Variants in AP1G2 observed in about 807,000 individuals in gnomAD.
The protein encoded by AP1G2 is AP-1 complex subunit gamma-like 2.
AP1G2 carries 85 observed loss-of-function variants against 95.8 expected under a neutral mutation model. That is an observed-to-expected ratio of 0.89 (90% CI 0.74 to 1.06). The LOEUF is 1.06. Among genes scored for constraint, AP1G2 ranks in the 50% least tolerant of loss-of-function variants. AP1G2 has a pLI of 0.00. For synonymous variants in AP1G2, 378 were observed against 400.0 expected, an observed-to-expected ratio of 0.94 and a Z score of 0.66; for missense variants, 967 against 1,005.8, an observed-to-expected ratio of 0.96 and a Z score of 0.52.
rs1566624174 is a variant in AP1G2, at chr14:23,561,592, G to C, written c.1777C>G (p.Pro593Ala). Residue 593 changes from proline (P) to alanine (A), a missense_variant, in exon 18 of 22, where the codon CCT becomes GCT. Coordinates refer to ENST00000397120, the MANE Select transcript of AP1G2 (RefSeq NM_003917.5). ...TCCTTTGCTTCCTCATCAGCCTGAG[G>C]GCCATCTCGCTCCACAAGAGGCATT... ...EKMPLVERDGPQADEEAKESK... is the reference protein window; with the variant it reads ...EKMPLVERDGAQADEEAKESK... 1.2e-6 allele frequency: 2 copies of C among 1,614,096 alleles called. No individual in the cohort carries two copies. The highest frequency in any genetic ancestry group is 8.5e-7 in the Non-Finnish European group (1 of 1,180,018).
At position 23,562,534 on chromosome 14, in the gene AP1G2, T is replaced by C. The variant is rs1885443875; in HGVS notation, c.1470A>G (p.Ala490=). 2 of 1,614,098 alleles carry C rather than the reference T, an allele frequency of 1.2e-6. No homozygotes were observed. Among genetic ancestry groups the C allele is most frequent in the Admixed American group, 1.7e-5 (1 of 60,006 alleles). ...GGGGCTCAATCTCCTCGCAGTTCCC[T>C]GCCAGCAGGAGGTCCCCATACTCCC... The part of the protein sequence containing the change: ...CIGEYGDLLL[A]GNCEEIEPLQ... Residue 490 remains alanine (A), a synonymous_variant, in exon 15 of 22, where the codon GCA becomes GCG. Transcript: ENST00000397120.
In AP1G2 at chr14:23,563,465, A is replaced by T; in HGVS notation, c.1325T>A (p.Leu442Gln). The change falls in exon 14 of 22, where the codon CTG becomes CAG. Residue 442 changes from leucine (L) to glutamine (Q), a missense_variant. Coordinates refer to ENST00000397120, the MANE Select transcript of AP1G2 (RefSeq NM_003917.5). The stretch of plus-strand genomic sequence containing the variant: ...CTGGGCCCCCCCAATCAGCTGGGTC[A>T]GGTTGGCCACTGCATCATCCCGCAC... ...THVRDDAVAN[L>Q]TQLIGGAQEL... The T allele has an allele frequency of 6.2e-7, 1 of 1,614,034 alleles. No homozygotes were observed. Among genetic ancestry groups the T allele is most frequent in the Non-Finnish European group, 8.5e-7 (1 of 1,179,970 alleles).
chr14:23,564,087 A>G lies in AP1G2; in HGVS notation c.1050T>C (p.Thr350=). The G allele has an allele frequency of 6.2e-7, 1 of 1,614,146 alleles. No individual in the cohort carries two copies. Among genetic ancestry groups the G allele is most frequent in the East Asian group, 2.2e-5 (1 of 44,880 alleles). ...CAGTTTCCCGTAGACATTCCACCAC[A>G]GTGGGCCGATGCCGCTGCACAGCAC... ...DHSAVQRHRP[T]VVECLRETDA... Residue 350 remains threonine, a synonymous_variant, in exon 11 of 22, where the codon ACT becomes ACC. Transcript: ENST00000397120.
In AP1G2 at chr14:23,562,517, A is replaced by G. The variant is rs909611866; in HGVS notation, c.1487T>C (p.Ile496Thr). Reference sequence around the variant, plus strand: ...ATGAGGTCTCACCTGAAGGGGCTCAATCTCCTCGCAGTTCCCTGCCAGCAG... The same window carrying G: ...ATGAGGTCTCACCTGAAGGGGCTCAGTCTCCTCGCAGTTCCCTGCCAGCAG... The part of the protein sequence containing the change: ...DLLLAGNCEE[I>T]EPLQVDEEEV... The change falls in exon 15 of 22, where the codon ATT (isoleucine) becomes ACT (threonine). Residue 496 changes from isoleucine (I) to threonine (T), a missense_variant. By Grantham distance (89) the Ile-to-Thr change is moderately conservative. Coordinates refer to ENST00000397120, the MANE Select transcript of AP1G2 (RefSeq NM_003917.5). 11 of 1,614,072 alleles carry G rather than the reference A, an allele frequency of 6.8e-6. No homozygotes were observed. The Admixed American group carries it at 1.3e-4, about 20-fold the overall frequency.
chr14:23,566,871 G>A (rs1888294802), intron 2 of AP1G2, 185 bp from the exon 3 acceptor site: 1 of 968,854 alleles, frequency 1.0e-6, no homozygotes, highest in Non-Finnish European at 1.5e-6. Context: ...TAGGAGTTGA[G>A]GAGGATGGGA....
Position 23,559,609 on chromosome 14 carries a change from G to T in AP1G2, c.*140C>A. On this transcript the variant is annotated 3_prime_UTR_variant, in exon 22 of 22. Transcript: ENST00000397120. Reference sequence around the variant, plus strand: ...CAGGCTTTATTGGGCTTTATTTGTGGGAGAAGGGGGCTGGTCCCCAGTTTT... The same window carrying T: ...CAGGCTTTATTGGGCTTTATTTGTGTGAGAAGGGGGCTGGTCCCCAGTTTT... 1 of 690,558 alleles carries T rather than the reference G, an allele frequency of 1.4e-6. No homozygotes were observed. Among genetic ancestry groups the T allele is most frequent in the Non-Finnish European group, 2.5e-6 (1 of 395,118 alleles). The allele number at this position is 690,558 out of a possible 1,614,324, so 42.8% of individuals were successfully genotyped here.
At chr14:23,566,932 G>T in intron 2 of AP1G2, 179 bp downstream of exon 2, 2 of 887,472 alleles carry the variant, frequency 2.3e-6, no homozygotes, top group Non-Finnish European at 1.7e-6. Context: ...GAGAATGAAG[G>T]GTTCAGGCCA....
At position 23,562,985 on chromosome 14, in the gene AP1G2, A is replaced by G. The variant is rs922221030; in HGVS notation, c.1411-392T>C. On this transcript the variant is annotated intron_variant, in intron 14 of 21. Coordinates refer to ENST00000397120, the MANE Select transcript of AP1G2 (RefSeq NM_003917.5). ...TGTGAGAGGGTCCCTCCCTTGTGGA[A>G]GGGGTGGATGATGCTTTCTGCCCAC... 44 of 885,940 alleles carry G rather than the reference A, an allele frequency of 5.0e-5. No individual in the cohort carries two copies. In the African/African-American group the frequency reaches 7.4e-4, roughly 15 times the overall value. The allele number at this position is 885,940 out of a possible 1,614,324, so 54.9% of individuals were successfully genotyped here.
Position 23,564,333 on chromosome 14 carries a change from C to G in AP1G2, c.977G>C (p.Arg326Thr). ...RFLLNSDRNI[R>T]YVALTSLLRL... ...CTAGGTAGACAGTTGGGACTATTAC[C>G]TAATGTTCCTGTCACTGTTGAGTAG... Residue 326 changes from arginine to threonine, a missense_variant and splice_region_variant, in exon 10 of 22, where the codon AGG becomes ACG. Physicochemically the swap from Arg to Thr is moderately conservative, Grantham distance 71 (BLOSUM62 -1). Transcript: ENST00000397120. 1 of 1,614,190 alleles carries G rather than the reference C, an allele frequency of 6.2e-7. No homozygotes were observed. The highest frequency in any genetic ancestry group is 8.5e-7 in the Non-Finnish European group (1 of 1,180,024).
intron 16 of AP1G2, 30 bp downstream of exon 16, chr14:23,562,258 A>G: frequency 6.2e-7 from 1 of 1,612,476 alleles, no homozygotes. Context: ...GTGACAGGCC[A>G]TCTCTCAAGG....
At position 23,565,861 on chromosome 14, in the gene AP1G2, C is replaced by T. The variant is rs148891229; in HGVS notation, c.600G>A (p.Thr200=). The T allele has an allele frequency of 3.6e-5, 56 of 1,577,308 alleles. No homozygotes were observed. In the African/African-American group the frequency reaches 5.6e-4, roughly 16 times the overall value. The change falls in exon 6 of 22, where the codon ACG becomes ACA. Residue 200 remains threonine (T), a synonymous_variant. Transcript: ENST00000397120. ...CTGCAGGGCTTCGTTCGCAGAGCTC[C>T]GTGATCAGCGTGATGGTGCCCAGCA... ...GILLGTITLI[T]ELCERSPAAL...
Position 23,561,979 on chromosome 14 carries a change from C to T in AP1G2, c.1716G>A (p.Arg572=), listed in dbSNP as rs753122091. 1 of 1,611,684 alleles carries T rather than the reference C, an allele frequency of 6.2e-7. No individual in the cohort carries two copies. The highest frequency in any genetic ancestry group is 2.2e-5 in the East Asian group (1 of 44,764). ...GGACACACCTCATGTGGTCGTATTT[C>T]CGGAAGAGTGTGTCATACTCCACAG... is the stretch of plus-strand genomic sequence containing the variant. ...QRAVEYDTLF[R]KYDHMRAAIL... is the part of the protein sequence containing the mutation. Residue 572 remains arginine (R), a synonymous_variant, in exon 17 of 22, where the codon CGG becomes CGA. Transcript: ENST00000397120.
intron 8 of AP1G2, 124 bp from the exon 9 acceptor site, chr14:23,564,784 C>A (rs754885920): frequency 1.2e-6 from 1 of 864,560 alleles, no homozygotes; most frequent in South Asian, 1.6e-5. Context: ...CTCTGATGAT[C>A]CTCCTGCCTC....
chr14:23,566,283 T>G lies in AP1G2; in HGVS notation c.466A>C (p.Lys156Gln). ...CAGGAGTCCCGCCATCTCACCTTCT[T>G]GCGCACGTAGGGACTGGGCTGCAGG... The part of the protein sequence containing the change: ...LLLQPSPYVR[K>Q]KAILTAVHMI... Residue 156 changes from lysine (K) to glutamine (Q), a missense_variant, in exon 4 of 22, where the codon AAG becomes CAG. Transcript: ENST00000397120. 3 of 1,613,908 alleles carry G rather than the reference T, an allele frequency of 1.9e-6. No homozygotes were observed. The highest frequency in any genetic ancestry group is 1.7e-6 in the Non-Finnish European group (2 of 1,179,974).
chr14:23,563,754 C>A lies in AP1G2; in HGVS notation c.1194G>T (p.Arg398=). The change falls in exon 12 of 22, where the codon CGG becomes CGT. Residue 398 remains arginine (R), a synonymous_variant. Coordinates refer to ENST00000397120, the MANE Select transcript of AP1G2 (RefSeq NM_003917.5). ...GCAGGATGCCTGAGGCACAGTCAGCCCGTAGGTCAGGAGGGCAGGACTCCA... is the reference window on the plus strand; with the variant it reads ...GCAGGATGCCTGAGGCACAGTCAGCACGTAGGTCAGGAGGGCAGGACTCCA... ...AFLESCPPDL[R]ADCASGILLA... 1 of 1,614,202 alleles carries A rather than the reference C, an allele frequency of 6.2e-7. No homozygotes were observed. Among genetic ancestry groups the A allele is most frequent in the East Asian group, 2.2e-5 (1 of 44,882 alleles).
Position 23,562,380 on chromosome 14 carries a change from C to G in AP1G2, c.1536G>C (p.Lys512Asn). 2.5e-6 allele frequency: 4 copies of G among 1,614,190 alleles called. No individual in the cohort carries two copies. The highest frequency in any genetic ancestry group is 3.4e-6 in the Non-Finnish European group (4 of 1,180,022). The part of the protein sequence containing the change: ...DEEEVLALLE[K>N]VLQSHMSLPA... The stretch of plus-strand genomic sequence containing the variant: ...GCAGGGACATGTGGGACTGCAGCAC[C>G]TTTTCCAGCAATGCCAGCACTTCCT... Residue 512 changes from lysine to asparagine, a missense_variant, in exon 16 of 22, where the codon AAG becomes AAC. Lys to Asn is a moderately conservative substitution (Grantham distance 94). Transcript: ENST00000397120.
chr14:23,562,400 C>T lies in AP1G2; in HGVS notation c.1516G>A (p.Val506Met), dbSNP rs533713574. 6.2e-7 allele frequency: 1 copy of T among 1,614,196 alleles called. No individual in the cohort carries two copies. The highest frequency in any genetic ancestry group is 1.1e-5 in the South Asian group (1 of 91,090). Residue 506 changes from valine (V) to methionine (M), a missense_variant, in exon 16 of 22, where the codon GTG (valine) becomes ATG (methionine). Val to Met is a conservative substitution (Grantham distance 21). Transcript: ENST00000397120. Reference sequence around the variant, plus strand: ...AGCACCTTTTCCAGCAATGCCAGCACTTCCTCTTCGTCCACCTTCAGACAT... The same window carrying T: ...AGCACCTTTTCCAGCAATGCCAGCATTTCCTCTTCGTCCACCTTCAGACAT... ...IEPLQVDEEEVLALLEKVLQS... is the reference protein window; with the variant it reads ...IEPLQVDEEEMLALLEKVLQS...
At chr14:23,564,500 C>T in intron 9 of AP1G2, 62 bp downstream of exon 9, 1 of 1,601,052 alleles carries the variant, frequency 6.2e-7, no homozygotes, top group Non-Finnish European at 8.6e-7. Flanking sequence ...AACCAGCAAG[C>T]AGGACCTGTG....
intron 9 of AP1G2, 77 bp from the exon 10 acceptor site, chr14:23,564,465 C>T: frequency 6.2e-7 from 1 of 1,602,658 alleles, no homozygotes; most frequent in Non-Finnish European, 8.5e-7. Flanking sequence ...CACATTGGCG[C>T]AAGATGATGG....
Sources: allele counts gnomAD v4.1 joint callset, GRCh38; gene constraint gnomAD v4.1.1; transcripts MANE v1.5; gene names NCBI Gene and HGNC (gene_info 2026-07-23, HGNC 2026-07-21).